Variants in ZZZ3 observed in about 807,000 individuals in gnomAD.
The protein encoded by ZZZ3 is zinc finger ZZ-type containing 3.
ZZZ3 carries 22 observed loss-of-function variants against 95.2 expected under a neutral mutation model. The ratio of observed to expected loss-of-function variants is 0.23; its 90% CI spans 0.17 to 0.33. The LOEUF is 0.33. ZZZ3 is among the 10% of genes least tolerant of loss of function. The probability of loss-of-function intolerance (pLI) is 1.00; values close to 1 mark genes in which losing one functional copy is unlikely to be tolerated. For synonymous variants in ZZZ3, 335 were observed against 358.9 expected, an observed-to-expected ratio of 0.93 and a Z score of 0.75; for missense variants, 885 against 1,066.5, an observed-to-expected ratio of 0.83 and a Z score of 2.37.
In ZZZ3 at chr1:77,667,294, G is replaced by A. The variant is rs17100891; in HGVS notation, c.-403+15291C>T. Among the ~76,000 whole-genome samples, 1,312 of 152,238 alleles carry A rather than the reference G, an allele frequency of 8.6e-3. 42 individuals carry two copies. In the East Asian group the frequency reaches 0.11, roughly 12 times the overall value. ...TGCTCTAAGTATTTTACTGGAATTGGAGCTCTAAATTTCTTTAATGAAAGT... is the reference window on the plus strand; with the variant it reads ...TGCTCTAAGTATTTTACTGGAATTGAAGCTCTAAATTTCTTTAATGAAAGT... On this transcript the variant is annotated intron_variant, in intron 1 of 14. Coordinates refer to ENST00000370801, the MANE Select transcript of ZZZ3 (RefSeq NM_015534.6).
At chr1:77,587,772 T>C (rs185795566) in intron 5 of ZZZ3, among the ~76,000 whole-genome samples, 1 of 152,304 alleles carries the variant, frequency 6.6e-6, no homozygotes, top group East Asian at 1.9e-4. Flanking sequence ...GATCCACTTA[T>C]ACACAAATTT....
rs772221822 is a variant in ZZZ3 at position 77,633,125 on chromosome 1, C to T, written c.230G>A (p.Arg77Gln). Residue 77 changes from arginine (R) to glutamine (Q), a missense_variant, in exon 5 of 15, where the codon CGA becomes CAA. By Grantham distance (43) the Arg-to-Gln change is conservative. Transcript: ENST00000370801. The stretch of plus-strand genomic sequence containing the variant: ...TTTCCTAGGGCTTACCCATGATTCT[C>T]GGGTACTCTGCTGTTTTAAATCAGT... ...RTTDLKQQSTRESWVSPRKRG... is the reference protein window; with the variant it reads ...RTTDLKQQSTQESWVSPRKRG... 1.9e-5 allele frequency: 31 copies of T among 1,613,938 alleles called. No homozygotes were observed. The highest frequency in any genetic ancestry group is 2.5e-5 in the Non-Finnish European group (30 of 1,180,002).
At chr1:77,675,603 T>A (rs1266745782) in intron 1 of ZZZ3, among the ~76,000 whole-genome samples, 1 of 152,150 alleles carries the variant, frequency 6.6e-6, no homozygotes, top group African/African-American at 2.4e-5. Context: ...GACACACTTT[T>A]TTTTTTTTCA....
intron 1 of ZZZ3, among the ~76,000 whole-genome samples, chr1:77,652,426 T>TA (rs1394021406): frequency 6.6e-6 from 1 of 152,148 alleles, no homozygotes; most frequent in Non-Finnish European, 1.5e-5. Flanking sequence ...ATTGCTATAA[T>TA]AAAAAAGACA....
chr1:77,624,388 C>T (rs1667150783), intron 5 of ZZZ3, among the ~76,000 whole-genome samples: 1 of 152,188 alleles, frequency 6.6e-6, no homozygotes, highest in South Asian at 2.1e-4. Flanking sequence ...TTACAACTTA[C>T]AAGCCCCAAC....
At chr1:77,599,248 G>C (rs1664503247) in intron 5 of ZZZ3, among the ~76,000 whole-genome samples, 1 of 151,596 alleles carries the variant, frequency 6.6e-6, no homozygotes, top group Non-Finnish European at 1.5e-5. Flanking sequence ...TTATTATATA[G>C]CTATTTGCTA....
chr1:77,677,093 C>G (rs566186572), intron 1 of ZZZ3: 3 of 152,296 alleles, frequency 2.0e-5, no homozygotes, highest in African/African-American at 7.2e-5. Context: ...TAATCCAGCA[C>G]TTTGGGAGGC....
At chr1:77,634,587 A>G (rs1442184671) in intron 4 of ZZZ3, among the ~76,000 whole-genome samples, 2 of 152,218 alleles carry the variant, frequency 1.3e-5, no homozygotes, top group Non-Finnish European at 1.5e-5. Flanking sequence ...TAAGAAATCA[A>G]GACTACTCCT....
At chr1:77,639,642 T>C (rs2100892637) in intron 3 of ZZZ3, 40 bp from the exon 4 acceptor site, 1 of 423,758 alleles carries the variant, frequency 2.4e-6, no homozygotes, top group African/African-American at 2.0e-5. Context: ...TTAAAGAAGA[T>C]GATGAACTTA....
rs533385681 is a variant in ZZZ3, at chr1:77,676,384, T to C, written c.-403+6201A>G. ...GGTCACACTATGTTGCCCAGACTGG[T>C]GTCCAAATCCTGGGCTGAAGCGATC... is the stretch of plus-strand genomic sequence containing the variant. On this transcript the variant is annotated intron_variant, in intron 1 of 14. Coordinates refer to ENST00000370801, the MANE Select transcript of ZZZ3 (RefSeq NM_015534.6). Among the ~76,000 whole-genome samples, 3 of 152,354 alleles carry C rather than the reference T, an allele frequency of 2.0e-5. No homozygotes were observed. The East Asian group carries it at 5.8e-4, about 29-fold the overall frequency.
At chr1:77,586,953 ATC>A (rs1663139308) in intron 5 of ZZZ3, among the ~76,000 whole-genome samples, 1 of 152,236 alleles carries the variant, frequency 6.6e-6, no homozygotes, top group Non-Finnish European at 1.5e-5. Flanking sequence ...ACAGAAGCTG[ATC>A]CAGGCATAAA....
intron 5 of ZZZ3, among the ~76,000 whole-genome samples, chr1:77,605,005 G>C (rs1344236221): frequency 1.3e-5 from 2 of 152,052 alleles, no homozygotes; most frequent in East Asian, 3.8e-4. Flanking sequence ...CTCCACCGAT[G>C]GTCCCCCCAA....
At chr1:77,655,795 A>G (rs997108047) in intron 1 of ZZZ3, among the ~76,000 whole-genome samples, 3 of 152,236 alleles carry the variant, frequency 2.0e-5, no homozygotes, top group Non-Finnish European at 2.9e-5. Flanking sequence ...TTTCAGTTCC[A>G]AAAAATCCCT....
chr1:77,581,313 T>A (rs1662497930), intron 8 of ZZZ3, among the ~76,000 whole-genome samples: 1 of 152,140 alleles, frequency 6.6e-6, no homozygotes, highest in Non-Finnish European at 1.5e-5. Context: ...CTTCATTTTT[T>A]AAAAAAGGGA....
chr1:77,598,080 G>C (rs1664384213), intron 5 of ZZZ3, among the ~76,000 whole-genome samples: 1 of 151,856 alleles, frequency 6.6e-6, no homozygotes, highest in African/African-American at 2.4e-5. Context: ...CAACAACAGG[G>C]GTTAGGAGCA....
chr1:77,677,132 A>C (rs1672335676), intron 1 of ZZZ3: 2 of 152,232 alleles, frequency 1.3e-5, no homozygotes, highest in Non-Finnish European at 2.9e-5. Context: ...TCAGGTCAGG[A>C]GTTCCAGACC....
At chr1:77,628,602 C>T (rs111792258) in intron 5 of ZZZ3, among the ~76,000 whole-genome samples, 5 of 152,238 alleles carry the variant, frequency 3.3e-5, no homozygotes, top group African/African-American at 7.2e-5. Context: ...TACAAGTGAT[C>T]GGATGACCTT....
intron 1 of ZZZ3, among the ~76,000 whole-genome samples, chr1:77,668,850 A>G (rs1671482731): frequency 6.6e-6 from 1 of 152,198 alleles, no homozygotes; most frequent in African/African-American, 2.4e-5. Context: ...AATCAATTTC[A>G]TATCAGCAAT....
chr1:77,582,704 C>A (rs1195488846), intron 6 of ZZZ3, among the ~76,000 whole-genome samples: 3 of 148,044 alleles, frequency 2.0e-5, no homozygotes, highest in Non-Finnish European at 4.4e-5. Context: ...ACACTGATAA[C>A]CTCATGGTTA....
Sources: allele counts gnomAD v4.1 joint callset (sites outside exome capture counted in the v4.1 genomes callset), GRCh38; gene constraint gnomAD v4.1.1; transcripts MANE v1.5; gene names NCBI Gene and HGNC (gene_info 2026-07-23, HGNC 2026-07-21).